Variants in KANK1 observed in about 807,000 individuals in gnomAD.
KANK1 encodes KN motif and ankyrin repeat domains 1.
In KANK1, 109 loss-of-function variants were observed where a neutral mutation model predicts 106.2. That is an observed-to-expected ratio of 1.03 (90% CI 0.88 to 1.20). The LOEUF is 1.20. Among genes scored for constraint, KANK1 ranks in the 50% most tolerant of loss-of-function variants. KANK1 has a pLI of 0.00. For missense variants in KANK1, 2,399 were observed against 1,710.7 expected, an observed-to-expected ratio of 1.40 and a Z score of -7.10; for synonymous variants, 873 against 652.2, an observed-to-expected ratio of 1.34 and a Z score of -5.16.
chr9:732,536 T>G lies in KANK1; in HGVS notation c.3164T>G (p.Ile1055Ser), dbSNP rs34832656. 6.2e-7 allele frequency: 1 copy of G among 1,613,632 alleles called. No homozygotes were observed. The highest frequency in any genetic ancestry group is 8.5e-7 in the Non-Finnish European group (1 of 1,179,858). Reference sequence around the variant, plus strand: ...GCAGAAGGGCACCATGCAGTTAATATTGAAGGTTTGAAGTCTGCCAGGGTG... The same window carrying G: ...GCAGAAGGGCACCATGCAGTTAATAGTGAAGGTTTGAAGTCTGCCAGGGTG... ...GMAEGHHAVNIEGLKSARVED... is the reference protein window; with the variant it reads ...GMAEGHHAVNSEGLKSARVED... The change falls in exon 6 of 12, where the codon ATT becomes AGT. Residue 1055 changes from isoleucine (I) to serine (S), a missense_variant. Ile to Ser is a moderately radical substitution (Grantham distance 142). Coordinates refer to ENST00000382297, the MANE Select transcript of KANK1 (RefSeq NM_015158.5).
intron 1 of KANK1, among the ~76,000 whole-genome samples, chr9:592,068 T>C (rs1825043462): frequency 1.3e-5 from 2 of 151,822 alleles, no homozygotes; most frequent in African/African-American, 4.9e-5. Flanking sequence ...TCTCTAGTGC[T>C]TAACATGTGG....
chr9:663,920 C>A (rs551756564), intron 1 of KANK1, among the ~76,000 whole-genome samples: 1 of 152,094 alleles, frequency 6.6e-6, no homozygotes, highest in African/African-American at 2.4e-5. Flanking sequence ...CTTTGGGACA[C>A]AAGGAGGCAG....
chr9:548,629 A>G (rs551479777), intron 1 of KANK1, among the ~76,000 whole-genome samples: 4 of 152,344 alleles, frequency 2.6e-5, no homozygotes, highest in South Asian at 4.1e-4. Context: ...CACCCCTACC[A>G]ACTAACCCAT....
intron 1 of KANK1, among the ~76,000 whole-genome samples, chr9:516,839 G>A (rs1196557724): frequency 6.6e-6 from 1 of 151,650 alleles, no homozygotes; most frequent in Non-Finnish European, 1.5e-5. Flanking sequence ...TTAGCAGCCC[G>A]CTGGGGGGTA....
intron 1 of KANK1, among the ~76,000 whole-genome samples, chr9:551,688 G>A (rs1563756195): frequency 6.6e-6 from 1 of 152,052 alleles, no homozygotes; most frequent in African/African-American, 2.4e-5. Flanking sequence ...ACAGCTTGCA[G>A]TTTAGTAGGG....
At chr9:576,782 C>A (rs937885524) in intron 1 of KANK1, among the ~76,000 whole-genome samples, 4 of 151,788 alleles carry the variant, frequency 2.6e-5, no homozygotes, top group Admixed American at 2.0e-4. Flanking sequence ...CAAACCATGA[C>A]ATTCCCTGTA....
chr9:697,121 C>G (rs368995540), intron 2 of KANK1, among the ~76,000 whole-genome samples: 2 of 151,848 alleles, frequency 1.3e-5, no homozygotes, highest in Non-Finnish European at 2.9e-5. Context: ...TGTAGAAATG[C>G]AGTTGTCATG....
chr9:574,473 G>GGGGTGCTC (rs1304150098), intron 1 of KANK1, among the ~76,000 whole-genome samples: 10 of 151,970 alleles, frequency 6.6e-5, no homozygotes, highest in Admixed American at 1.3e-4. Flanking sequence ...ATTGAAGTAT[G>GGGGTGCTC]TCATTTATAT....
chr9:710,688 A>T, intron 2 of KANK1, 116 bp from the exon 3 acceptor site: 1 of 830,336 alleles, frequency 1.2e-6, no homozygotes, highest in Non-Finnish European at 1.8e-6. Context: ...TTCAAAACAT[A>T]GGTGTGTCAA....
chr9:509,285 A>G (rs12352940), intron 1 of KANK1, among the ~76,000 whole-genome samples: 23,793 of 152,006 alleles, frequency 0.16, 3,342 homozygotes, highest in African/African-American at 0.38. Context: ...TTTAGTAGAC[A>G]CGGGGTTTCA....
chr9:519,293 G>A (rs2059442699), intron 1 of KANK1, among the ~76,000 whole-genome samples: 1 of 151,738 alleles, frequency 6.6e-6, no homozygotes, highest in Admixed American at 6.6e-5. Context: ...AACTTAGTAA[G>A]TGTTCTGAGT....
chr9:473,950 G>A (rs771560037), intron 3 of KANK1, among the ~76,000 whole-genome samples: 1 of 148,770 alleles, frequency 6.7e-6, no homozygotes, highest in African/African-American at 2.6e-5. Context: ...TGCCCACCTC[G>A]GCCTCCCAAA....
chr9:545,959 G>A (rs2060906522), intron 1 of KANK1, among the ~76,000 whole-genome samples: 1 of 151,980 alleles, frequency 6.6e-6, no homozygotes, highest in African/African-American at 2.4e-5. Flanking sequence ...TGTTGGCCAG[G>A]CTGGTCTCGA....
intron 3 of KANK1, among the ~76,000 whole-genome samples, chr9:485,752 T>C (rs1260138221): frequency 6.6e-6 from 1 of 151,488 alleles, no homozygotes; most frequent in Non-Finnish European, 1.5e-5. Flanking sequence ...ATGCCTGTAA[T>C]CCCAGCTACT....
At chr9:699,906 G>A (rs1424916786) in intron 2 of KANK1, among the ~76,000 whole-genome samples, 1 of 152,140 alleles carries the variant, frequency 6.6e-6, no homozygotes, top group Non-Finnish European at 1.5e-5. Context: ...CGCTTGAGCT[G>A]GGGAGTTCAA....
At chr9:509,925 C>T (rs1029579097) in intron 1 of KANK1, among the ~76,000 whole-genome samples, 1 of 152,022 alleles carries the variant, frequency 6.6e-6, no homozygotes, top group Non-Finnish European at 1.5e-5. Context: ...GCCTGCCTCC[C>T]GAGTAGCTGG....
chr9:564,929 C>T (rs1300227279), intron 1 of KANK1, among the ~76,000 whole-genome samples: 1 of 152,198 alleles, frequency 6.6e-6, no homozygotes, highest in African/African-American at 2.4e-5. Context: ...GAAATGAAGA[C>T]ACTTGGCACA....
In KANK1 at chr9:484,053, C is replaced by T. The variant is rs141836201; in HGVS notation, c.-362+10780C>T. ...GCAGGTAGGGTGCCAGTTTGCACCA[C>T]GAGTAGTTCACACCTTCAGCTTTAG... On this transcript the variant is annotated intron_variant, in intron 3 of 15. Transcript: ENST00000382303. Among the ~76,000 whole-genome samples, 30 of 152,326 alleles carry T rather than the reference C, an allele frequency of 2.0e-4. No individual in the cohort carries two copies. In the East Asian group the frequency reaches 4.6e-3, roughly 23 times the overall value.
intron 1 of KANK1, among the ~76,000 whole-genome samples, chr9:533,423 A>C (rs1435651955): frequency 6.6e-6 from 1 of 152,260 alleles, no homozygotes; most frequent in African/African-American, 2.4e-5. Flanking sequence ...TGTGGGGGAC[A>C]GATGAGGTAA....
Sources: gnomAD v4.1 joint callset for allele counts (sites outside exome capture counted in the v4.1 genomes callset) on GRCh38, gnomAD v4.1.1 for gene constraint, MANE v1.5 for transcripts, NCBI Gene and HGNC (gene_info 2026-07-23, HGNC 2026-07-21) for gene names.